The following TMEM132D variants were observed in gnomAD, a reference collection of about 807,000 sequenced individuals.
TMEM132D encodes mature OL transmembrane protein.
A neutral mutation model predicts 62.3 loss-of-function variants in TMEM132D; 21 were observed. The ratio of observed to expected loss-of-function variants is 0.34; its 90% confidence interval spans 0.24 to 0.49. TMEM132D has a LOEUF of 0.49. TMEM132D is among the 20% of genes least tolerant of loss of function. TMEM132D has a pLI of 0.99. For missense variants in TMEM132D, 1,346 were observed against 1,402.8 expected (o/e 0.96, Z 0.65); for synonymous variants, 621 against 575.6 (o/e 1.08, Z -1.13).
At chr12:129,702,471 AG>A (rs1256622216) in intron 1 of TMEM132D, among the ~76,000 whole-genome samples, 3 of 152,222 alleles carry the variant, frequency 2.0e-5, no homozygotes, top group Non-Finnish European at 2.9e-5. Context: ...AACAAAGAAG[AG>A]ACAAAGAATA....
At chr12:129,800,601 G>A (rs1871736689) in intron 1 of TMEM132D, among the ~76,000 whole-genome samples, 1 of 152,134 alleles carries the variant, frequency 6.6e-6, no homozygotes, top group Non-Finnish European at 1.5e-5. Flanking sequence ...AGAGGCTGGA[G>A]GACTCAGTAA....
chr12:129,901,871 C>A (rs906996911), intron 1 of TMEM132D, among the ~76,000 whole-genome samples: 1 of 73,786 alleles, frequency 1.4e-5, no homozygotes, highest in South Asian at 5.1e-4. Flanking sequence ...ACCCCCCCCG[C>A]CCCAAAAAAA....
At position 129,538,011 on chromosome 12, in the gene TMEM132D, T is replaced by C. The variant is rs73155267; in HGVS notation, c.969-6806A>G. On this transcript the variant is annotated intron_variant, in intron 2 of 8. Transcript: ENST00000422113. ...GTGCTGCCAAAGACAAATCTTGACT[T>C]TTATGTGAAATTCCAACATTTGAAG... Among the ~76,000 whole-genome samples, 673 of 152,304 alleles carry C rather than the reference T, an allele frequency of 4.4e-3. 1 individual carries two copies. Among genetic ancestry groups the C allele is most frequent in the Non-Finnish European group, 6.5e-3 (443 of 68,030 alleles).
chr12:129,903,973 C>T lies in TMEM132D; in HGVS notation c.-634G>A, dbSNP rs987941217. ...CTCCCCGGCCGCCGCCTCGGCCCGC[C>T]CGGCCCCGGGCCCGGCTGGGGCTCG... On this transcript the variant is annotated 5_prime_UTR_variant, in exon 1 of 9. Coordinates refer to ENST00000422113, the MANE Select transcript of TMEM132D (RefSeq NM_133448.3). The surrounding 1 kb of genome is among the most constrained non-coding windows in gnomAD (Gnocchi z 6.2). Among the ~76,000 whole-genome samples the T allele has an allele frequency of 6.7e-6, 1 of 148,830 alleles. No individual in the cohort carries two copies. Among genetic ancestry groups the T allele is most frequent in the Non-Finnish European group, 1.5e-5 (1 of 66,672 alleles).
intron 5 of TMEM132D, among the ~76,000 whole-genome samples, chr12:129,200,498 G>A (rs566911105): frequency 5.3e-5 from 8 of 152,258 alleles, no homozygotes; most frequent in South Asian, 2.1e-4. Context: ...GTGAGGCGGC[G>A]CAATCCCTGC....
intron 3 of TMEM132D, among the ~76,000 whole-genome samples, chr12:129,370,294 T>A (rs1870552509): frequency 6.6e-6 from 1 of 152,304 alleles, no homozygotes; most frequent in East Asian, 1.9e-4. Flanking sequence ...CCTGGAGCCA[T>A]GACAGTTAAT....
chr12:129,699,963 A>C lies in TMEM132D; in HGVS notation c.815T>G (p.Leu272Arg). The C allele has an allele frequency of 6.2e-7, 1 of 1,614,100 alleles. No homozygotes were observed. Among genetic ancestry groups the C allele is most frequent in the Non-Finnish European group, 8.5e-7 (1 of 1,180,010 alleles). ...PPLQRIGSIF[L>R]YQTHRKPSLR... is the part of the protein sequence containing the mutation. Reference sequence around the variant, plus strand: ...GGAGGGTTTCCTGTGTGTCTGATAAAGGAAGATGCTCCCGATCCTCTGCAA... The same window carrying C: ...GGAGGGTTTCCTGTGTGTCTGATAACGGAAGATGCTCCCGATCCTCTGCAA... The change falls in exon 2 of 9, where the codon CTT becomes CGT. Residue 272 changes from leucine (L) to arginine (R), a missense_variant. Transcript: ENST00000422113.
intron 5 of TMEM132D, among the ~76,000 whole-genome samples, chr12:129,197,180 T>C (rs1878572853): frequency 6.6e-6 from 1 of 152,234 alleles, no homozygotes; most frequent in African/African-American, 2.4e-5. Flanking sequence ...ACTTTCTTTA[T>C]GGATACTGAA....
At chr12:129,105,897 C>T (rs1472526162) in intron 5 of TMEM132D, among the ~76,000 whole-genome samples, 3 of 151,088 alleles carry the variant, frequency 2.0e-5, no homozygotes, top group African/African-American at 7.4e-5. Context: ...TACCATTTGA[C>T]CCAGCCATCC....
At chr12:129,833,631 A>T (rs1872912852) in intron 1 of TMEM132D, among the ~76,000 whole-genome samples, 1 of 152,162 alleles carries the variant, frequency 6.6e-6, no homozygotes, top group African/African-American at 2.4e-5. Flanking sequence ...TCTCAAAAAA[A>T]CAAAAAACTC....
At chr12:129,723,158 T>G (rs1009680313) in intron 1 of TMEM132D, among the ~76,000 whole-genome samples, 1 of 152,238 alleles carries the variant, frequency 6.6e-6, no homozygotes, top group Non-Finnish European at 1.5e-5. Context: ...CAATTACTTT[T>G]CCGTCACTCT....
intron 1 of TMEM132D, among the ~76,000 whole-genome samples, chr12:129,862,803 G>A (rs1013866825): frequency 1.3e-5 from 2 of 150,856 alleles, no homozygotes; most frequent in Admixed American, 6.6e-5. Flanking sequence ...ATAAAAACAC[G>A]ACTGAAAGCT....
At chr12:129,386,898 A>T (rs60047995) in intron 3 of TMEM132D, among the ~76,000 whole-genome samples, 102,260 of 150,392 alleles carry the variant, frequency 0.68, 35,193 homozygotes, top group Non-Finnish European at 0.74. Context: ...CAAACACAAA[A>T]ACTATATGCC....
chr12:129,536,604 C>T (rs1391764875), intron 2 of TMEM132D, among the ~76,000 whole-genome samples: 2 of 152,180 alleles, frequency 1.3e-5, no homozygotes, highest in African/African-American at 2.4e-5. Flanking sequence ...GCCCTGCCCT[C>T]GCCAGCAGTT....
intron 2 of TMEM132D, among the ~76,000 whole-genome samples, chr12:129,612,951 C>CAA (rs1878815886): frequency 6.6e-6 from 1 of 152,200 alleles, no homozygotes; most frequent in Admixed American, 6.5e-5. Context: ...CATGTCTAGA[C>CAA]AAAGTCTGTT....
rs983143531 is a variant in TMEM132D at position 129,779,204 on chromosome 12, G to A, written c.80-78506C>T. Among the ~76,000 whole-genome samples, 16 of 152,214 alleles carry A rather than the reference G, an allele frequency of 1.1e-4. No homozygotes were observed. Among genetic ancestry groups the A allele is most frequent in the Non-Finnish European group, 2.1e-4 (14 of 68,038 alleles). ...ATCCATCTGGAAAGCCCCATTTGATGCTTTAACATGCAGAGTAGAACGGCT... is the reference window on the plus strand; with the variant it reads ...ATCCATCTGGAAAGCCCCATTTGATACTTTAACATGCAGAGTAGAACGGCT... On this transcript the variant is annotated intron_variant, in intron 1 of 8. Transcript: ENST00000422113. This position sits in a 1 kb window ranked among gnomAD's most constrained non-coding sequence, Gnocchi z 4.1.
chr12:129,681,417 A>C (rs975139335), intron 2 of TMEM132D: 6 of 152,224 alleles, frequency 3.9e-5, no homozygotes, highest in Non-Finnish European at 8.8e-5. Context: ...GTCTGGTTTA[A>C]AGGATCAAAG....
intron 2 of TMEM132D, among the ~76,000 whole-genome samples, chr12:129,577,666 T>C (rs1877709868): frequency 6.7e-6 from 1 of 149,674 alleles, no homozygotes; most frequent in African/African-American, 2.6e-5. Flanking sequence ...TTTTTGATAT[T>C]TGCAGGCCAC....
intron 5 of TMEM132D, among the ~76,000 whole-genome samples, chr12:129,105,966 A>G (rs2135640205): frequency 6.6e-6 from 1 of 151,698 alleles, no homozygotes; most frequent in East Asian, 1.9e-4. Context: ...ACACATGCAC[A>G]TGTATGTTTA....
Sources: allele counts gnomAD v4.1 joint callset (sites outside exome capture counted in the v4.1 genomes callset), GRCh38; gene constraint gnomAD v4.1.1; non-coding constraint Gnocchi (gnomAD v3.1); transcripts MANE v1.5; gene names NCBI Gene and HGNC (gene_info 2026-07-23, HGNC 2026-07-21).